PLA2G4F: variants seen among roughly 807,000 people sequenced by gnomAD.
The protein encoded by PLA2G4F is cytosolic phospholipase A2 zeta.
In PLA2G4F, 105 loss-of-function variants were observed where a neutral mutation model predicts 103.1. That is an observed-to-expected ratio of 1.02 (90% CI 0.87 to 1.20). The LOEUF (loss-of-function observed/expected upper bound fraction) is 1.20, where lower values mean the gene tolerates loss of function less well. PLA2G4F is among the 50% of genes most tolerant of loss of function. The probability of loss-of-function intolerance (pLI) is 0.00; values close to 1 mark genes in which losing one functional copy is unlikely to be tolerated. For synonymous variants in PLA2G4F, 468 were observed against 441.1 expected (o/e 1.06, Z -0.76); for missense variants, 1,155 against 1,075.9 (o/e 1.07, Z -1.03).
chr15:42,146,640 C>A, intron 13 of PLA2G4F: 1 of 227,968 alleles, frequency 4.4e-6, no homozygotes, highest in Admixed American at 5.1e-5. Flanking sequence ...CAACTGATCT[C>A]CACACACGGG....
At chr15:42,144,360 CCCCCAGCCCAAAGCCAGCACTGG>C in intron 17 of PLA2G4F, 67 bp downstream of exon 17, 1 of 1,530,062 alleles carries the variant, frequency 6.5e-7, no homozygotes, top group Non-Finnish European at 9.0e-7. Context: ...CACACCTCAA[CCCCCAGCCCAAAGCCAGCACTGG>C]CTCCAGTGAG....
chr15:42,151,342 G>C, intron 7 of PLA2G4F: 2 of 985,332 alleles, frequency 2.0e-6, no homozygotes, highest in Non-Finnish European at 2.4e-6. Flanking sequence ...GGCTAGCCCA[G>C]ACTGGAAGAT....
chr15:42,154,768 T>C (rs377389378), intron 2 of PLA2G4F, among the ~76,000 whole-genome samples: 168 of 152,264 alleles, frequency 1.1e-3, no homozygotes, highest in African/African-American at 3.8e-3. Flanking sequence ...GGCACTGGCA[T>C]GGAAAGCTCC....
At position 42,144,111 on chromosome 15, in the gene PLA2G4F, G is replaced by A. The variant is rs550236490; in HGVS notation, c.2009C>T (p.Thr670Ile). 6.2e-7 allele frequency: 1 copy of A among 1,613,404 alleles called. No individual in the cohort carries two copies. The highest frequency in any genetic ancestry group is 1.7e-5 in the Admixed American group (1 of 59,872). The change falls in exon 18 of 20, where the codon ACC becomes ATC. Residue 670 changes from threonine (T) to isoleucine (I), a missense_variant. Thr to Ile is a moderately conservative substitution (Grantham distance 89, BLOSUM62 -1). This residue lies in a region of PLA2G4F where 782 missense variants were observed against 692.9 expected (regional missense o/e 1.13). Transcript: ENST00000397272. ...CAGGTACAGGCAGTCCCGCATGGGG[G>A]TGAGCTGGTTGGGGAAGGCGTCCGG... Reference protein sequence around the residue: ...THPDAFPNQLTPMRDCLYLVD... With the variant: ...THPDAFPNQLIPMRDCLYLVD...
At chr15:42,146,265 G>A in intron 13 of PLA2G4F, 24 bp from the exon 14 acceptor site, 1 of 1,607,698 alleles carries the variant, frequency 6.2e-7, no homozygotes, top group Non-Finnish European at 8.5e-7. Flanking sequence ...AAGGGAGGCA[G>A]CTTGGCCTTT....
chr15:42,144,730 C>A, intron 16 of PLA2G4F, 86 bp from the exon 17 acceptor site: 1 of 1,332,262 alleles, frequency 7.5e-7, no homozygotes. Context: ...GTGCCCCTCC[C>A]CAACAGTGAG....
chr15:42,141,905 C>A lies in PLA2G4F; in HGVS notation c.*79G>T. ...GGGAAGCAGATCCTGCACAGAGTCCCCATCGCTCCTCCCTCTACAAGCCCT... is the reference window on the plus strand; with the variant it reads ...GGGAAGCAGATCCTGCACAGAGTCCACATCGCTCCTCCCTCTACAAGCCCT... On this transcript the variant is annotated 3_prime_UTR_variant, in exon 20 of 20. Coordinates refer to ENST00000397272, the MANE Select transcript of PLA2G4F (RefSeq NM_213600.4). The A allele has an allele frequency of 7.2e-7, 1 of 1,393,536 alleles. No individual in the cohort carries two copies. 86.3% of individuals were successfully genotyped at this position (1,393,536 alleles called of 1,614,324 possible).
intron 13 of PLA2G4F, chr15:42,146,864 T>G: frequency 2.2e-6 from 1 of 445,426 alleles, no homozygotes. Flanking sequence ...CATGGGTGTG[T>G]TTGAAAAGCT....
At position 42,149,702 on chromosome 15, in the gene PLA2G4F, C is replaced by G. The variant is rs779290922; in HGVS notation, c.1059+11G>C. The stretch of plus-strand genomic sequence containing the variant: ...GAGGCTCTGGGGTCCAGCTCCTCCT[C>G]CATTACGTACCTGGCCACTGTCCAG... On this transcript the variant is annotated intron_variant, in intron 11 of 19. Transcript: ENST00000397272. 1.9e-6 allele frequency: 3 copies of G among 1,614,032 alleles called. No homozygotes were observed. The highest frequency in any genetic ancestry group is 2.2e-5 in the South Asian group (2 of 91,058).
At chr15:42,144,698 C>T in intron 16 of PLA2G4F, 54 bp from the exon 17 acceptor site, 2 of 1,485,002 alleles carry the variant, frequency 1.3e-6, no homozygotes, top group Admixed American at 2.3e-5. Flanking sequence ...CTCCTTTGCC[C>T]AGTGGTCCTT....
Position 42,150,412 on chromosome 15 carries a change from G to A in PLA2G4F, c.846C>T (p.Pro282=). The A allele has an allele frequency of 6.2e-7, 1 of 1,613,146 alleles. No homozygotes were observed. The highest frequency in any genetic ancestry group is 1.1e-5 in the South Asian group (1 of 90,802). Residue 282 remains proline, a synonymous_variant, in exon 9 of 20, where the codon CCC becomes CCT. Coordinates refer to ENST00000397272, the MANE Select transcript of PLA2G4F (RefSeq NM_213600.4). ...GEGGILLSSL[P]LGQEEQCSVA... Reference sequence around the variant, plus strand: ...CAGAACACTGTTCCTCCTGGCCTAGGGGCAGAGAGGAGAGCAGGATGCCCC... The same window carrying A: ...CAGAACACTGTTCCTCCTGGCCTAGAGGCAGAGAGGAGAGCAGGATGCCCC...
rs1261708933 is a variant in PLA2G4F at position 42,151,284 on chromosome 15, T to C, written c.602-507A>G. 12 of 984,862 alleles carry C rather than the reference T, an allele frequency of 1.2e-5. No homozygotes were observed. The South Asian group carries it at 1.4e-4, about 12-fold the overall frequency. The allele number at this position is 984,862 out of a possible 1,614,324, so 61.0% of individuals were successfully genotyped here. On this transcript the variant is annotated intron_variant, in intron 7 of 19. Coordinates refer to ENST00000397272, the MANE Select transcript of PLA2G4F (RefSeq NM_213600.4). Reference sequence around the variant, plus strand: ...TTTGTAGAGGCGGGAGGAGGAAGAATGGGATGCGTGGGTACAGAGAGATGC... The same window carrying C: ...TTTGTAGAGGCGGGAGGAGGAAGAACGGGATGCGTGGGTACAGAGAGATGC...
intron 11 of PLA2G4F, 124 bp downstream of exon 11, chr15:42,149,589 G>A (rs904617192): frequency 6.8e-7 from 1 of 1,466,264 alleles, no homozygotes; most frequent in Middle Eastern, 2.2e-4. Context: ...TGCCGATGGT[G>A]CCCACAGCTC....
chr15:42,153,465 A>G, intron 5 of PLA2G4F, 123 bp from the exon 6 acceptor site: 1 of 1,469,606 alleles, frequency 6.8e-7, no homozygotes. Flanking sequence ...GAGTGGGGCG[A>G]GCCTGCCGCC....
At chr15:42,143,908 C>A in intron 18 of PLA2G4F, 70 bp downstream of exon 18, 1 of 1,497,468 alleles carries the variant, frequency 6.7e-7, no homozygotes, top group Non-Finnish European at 9.0e-7. Context: ...CTTCTTTCCC[C>A]TCCTCTCCTC....
Position 42,144,466 on chromosome 15 carries a change from C to T in PLA2G4F, c.1959G>A (p.Glu653=). ...CLHKDYVAGR[E]FVAWKDTHPD... is the part of the protein sequence containing the mutation. ...AGCACCCACCTTTCCAGGCCACGAA[C>T]TCCCTGCCAGCCACATAGTCCTTGT... is the stretch of plus-strand genomic sequence containing the variant. The change falls in exon 17 of 20, where the codon GAG becomes GAA. Residue 653 remains glutamate, a synonymous_variant. Coordinates refer to ENST00000397272, the MANE Select transcript of PLA2G4F (RefSeq NM_213600.4). The T allele has an allele frequency of 6.2e-7, 1 of 1,612,218 alleles. No homozygotes were observed. The highest frequency in any genetic ancestry group is 8.5e-7 in the Non-Finnish European group (1 of 1,180,018).
Position 42,147,317 on chromosome 15 carries a change from G to C in PLA2G4F, c.1226C>G (p.Ala409Gly), listed in dbSNP as rs755185141. 1.2e-6 allele frequency: 2 copies of C among 1,609,096 alleles called. No homozygotes were observed. Among genetic ancestry groups the C allele is most frequent in the South Asian group, 2.2e-5 (2 of 91,000 alleles). Residue 409 changes from alanine (A) to glycine (G), a missense_variant, in exon 13 of 20, where the codon GCC becomes GGC. Transcript: ENST00000397272. Reference sequence around the variant, plus strand: ...GCCCTGCAAGGCCACCTGGGACCAGGCTGGGTCCCTGTAGAGTGTGGAGAT... The same window carrying C: ...GCCCTGCAAGGCCACCTGGGACCAGCCTGGGTCCCTGTAGAGTGTGGAGAT... Reference protein sequence around the residue: ...WCISTLYRDPAWSQVALQGPI... With the variant: ...WCISTLYRDPGWSQVALQGPI...
chr15:42,145,726 C>T (rs991759090), intron 15 of PLA2G4F, 40 bp downstream of exon 15: 2 of 1,613,588 alleles, frequency 1.2e-6, no homozygotes, highest in Non-Finnish European at 1.7e-6. Flanking sequence ...GGGCCTGGCC[C>T]CGGCACCTGC....
At position 42,140,990 on chromosome 15, in the gene PLA2G4F, G is replaced by A. The variant is rs1239293562; in HGVS notation, c.*994C>T. 2 of 340,898 alleles carry A rather than the reference G, an allele frequency of 5.9e-6. No homozygotes were observed. The highest frequency in any genetic ancestry group is 7.6e-5 in the Admixed American group (2 of 26,376). The allele number at this position is 340,898 out of a possible 1,614,324, so 21.1% of individuals were successfully genotyped here. A position where few individuals can be genotyped will look rare whatever the true frequency, so the allele number is the denominator to read the frequency against. ...ATTTGGAGAGTCCCTGGCGGGTCAG[G>A]GGAAATGGAGAAGAGGGAGAGTGAG... On this transcript the variant is annotated 3_prime_UTR_variant, in exon 20 of 20. Transcript: ENST00000397272.
Sources: allele counts gnomAD v4.1 joint callset (sites outside exome capture counted in the v4.1 genomes callset), GRCh38; gene constraint gnomAD v4.1.1; regional missense constraint gnomAD v4.1.1; transcripts MANE v1.5; gene names NCBI Gene and HGNC (gene_info 2026-07-23, HGNC 2026-07-21).